The following HOMER2 variants were observed in gnomAD, a reference collection of about 807,000 sequenced individuals.
HOMER2 encodes the protein homer protein homolog 2.
A neutral mutation model predicts 47.0 loss-of-function variants in HOMER2; 27 were observed. That is an observed-to-expected ratio of 0.57 (90% CI 0.42 to 0.79). HOMER2 has a LOEUF of 0.79. Ranked by LOEUF, HOMER2 falls within the 30% of genes least tolerant of loss-of-function variation. The probability of loss-of-function intolerance (pLI) is 0.00; values close to 1 mark genes in which losing one functional copy is unlikely to be tolerated. For synonymous variants in HOMER2, 161 were observed against 163.8 expected (o/e 0.98, Z 0.13); for missense variants, 443 against 435.0 (o/e 1.02, Z -0.16).
chr15:82,895,684 C>T (rs894435232), intron 1 of HOMER2, among the ~76,000 whole-genome samples: 8 of 152,184 alleles, frequency 5.3e-5, no homozygotes, highest in African/African-American at 1.9e-4. Flanking sequence ...GAAGGCCTTT[C>T]TGGGAAGGGA....
downstream of HOMER2, among the ~76,000 whole-genome samples, chr15:82,847,993 T>C (rs542520196): frequency 6.6e-6 from 1 of 152,204 alleles, no homozygotes; most frequent in Admixed American, 6.5e-5. Context: ...TGGCCACGCT[T>C]TCCACTTCCT....
In HOMER2 at chr15:82,849,765, C is replaced by T. The variant is rs1280116567; in HGVS notation, c.982G>A (p.Asp328Asn). ...AGCCCTCGGCGGAAGTCATGCAGGT[C>T]GTCAATCTTCCCGTCCAGCACCTCC... is the stretch of plus-strand genomic sequence containing the variant. ...FLEVLDGKID[D>N]LHDFRRGLSK... The change falls in exon 9 of 9, where the codon GAC (aspartate) becomes AAC (asparagine). Residue 328 changes from aspartate to asparagine, a missense_variant. Asp to Asn is a conservative substitution (Grantham distance 23). Coordinates refer to ENST00000450735, the MANE Select transcript of HOMER2 (RefSeq NM_004839.4). 7 of 1,613,794 alleles carry T rather than the reference C, an allele frequency of 4.3e-6. No homozygotes were observed. The highest frequency in any genetic ancestry group is 1.3e-5 in the African/African-American group (1 of 74,922).
chr15:82,855,325 C>CAAAAAAAAAAA (rs1162254209), intron 5 of HOMER2, among the ~76,000 whole-genome samples: 7 of 61,512 alleles, frequency 1.1e-4, no homozygotes, highest in Non-Finnish European at 1.9e-4. Context: ...ACTCCATCTC[C>CAAAAAAAAAAA]AAAAAAAAAA....
chr15:82,844,023 G>C (rs1301513310), downstream of HOMER2: 2 of 152,166 alleles, frequency 1.3e-5, no homozygotes, highest in Non-Finnish European at 2.9e-5. Context: ...AGTCACTCAG[G>C]GATCCAGGCT....
exon 2 of HOMER2, chr15:82,839,896 A>G (rs1414464332): frequency 1.3e-5 from 2 of 152,236 alleles, no homozygotes; most frequent in Admixed American, 6.5e-5. Context: ...TCAAGAAAAC[A>G]TCCATGATCT....
At chr15:82,857,457 G>A (rs950168294) in intron 5 of HOMER2, among the ~76,000 whole-genome samples, 1 of 113,072 alleles carries the variant, frequency 8.8e-6, no homozygotes, top group South Asian at 2.9e-4. Context: ...TTGAGACAGA[G>A]TCTTGCTCTG....
intron 1 of HOMER2, among the ~76,000 whole-genome samples, chr15:82,951,857 T>C (rs943499959): frequency 7.2e-5 from 11 of 152,368 alleles, no homozygotes; most frequent in African/African-American, 2.6e-4. Flanking sequence ...ATTAGCACAG[T>C]GGCTCCCAGA....
At chr15:82,904,506 G>C (rs886778996) in intron 1 of HOMER2, among the ~76,000 whole-genome samples, 4 of 152,224 alleles carry the variant, frequency 2.6e-5, no homozygotes, top group South Asian at 2.1e-4. Context: ...CAGGGGGAGG[G>C]GAATGCAGCC....
chr15:82,924,719 G>A (rs1004706924), intron 1 of HOMER2, among the ~76,000 whole-genome samples: 1 of 152,130 alleles, frequency 6.6e-6, no homozygotes, highest in African/African-American at 2.4e-5. Context: ...CACCTGTTGT[G>A]GGCTGGGCAT....
intron 1 of HOMER2, among the ~76,000 whole-genome samples, chr15:82,979,781 G>C (rs2030328903): frequency 6.6e-6 from 1 of 152,150 alleles, no homozygotes. Flanking sequence ...TGGAAAGAGA[G>C]GTAGATAAAC....
chr15:82,855,524 G>A (rs1382269215), intron 5 of HOMER2, among the ~76,000 whole-genome samples: 1 of 152,094 alleles, frequency 6.6e-6, no homozygotes, highest in African/African-American at 2.4e-5. Context: ...CCTCCAGGAC[G>A]CTGGGTTTAA....
chr15:82,985,950 G>C (rs1416622321), upstream of HOMER2: 3 of 503,072 alleles, frequency 6.0e-6, no homozygotes, highest in Non-Finnish European at 7.7e-6. Context: ...CAGAACTTCC[G>C]TCTCTACCCG....
chr15:82,863,303 C>G (rs1368355036), intron 4 of HOMER2, among the ~76,000 whole-genome samples: 3 of 152,192 alleles, frequency 2.0e-5, no homozygotes, highest in African/African-American at 4.8e-5. Context: ...AGCCAACCCT[C>G]TCAGGTGAAA....
chr15:82,872,341 C>T (rs1037705548), intron 3 of HOMER2, among the ~76,000 whole-genome samples: 2 of 152,196 alleles, frequency 1.3e-5, no homozygotes, highest in African/African-American at 2.4e-5. Flanking sequence ...CTCCATCCCT[C>T]ATCACCCCAG....
At chr15:82,920,996 TA>T (rs915370654) in intron 1 of HOMER2, among the ~76,000 whole-genome samples, 13 of 151,900 alleles carry the variant, frequency 8.6e-5, no homozygotes, top group African/African-American at 3.1e-4. Flanking sequence ...TTAAATGGCT[TA>T]AAAAAAATGA....
chr15:82,968,498 T>C (rs2151255933), intron 1 of HOMER2, among the ~76,000 whole-genome samples: 1 of 152,344 alleles, frequency 6.6e-6, no homozygotes, highest in East Asian at 1.9e-4. Context: ...AAAGTCTCCG[T>C]CTCACCCCTC....
downstream of HOMER2, chr15:82,846,291 C>T (rs746729540): frequency 3.3e-5 from 5 of 152,250 alleles, no homozygotes; most frequent in Non-Finnish European, 7.3e-5. Context: ...ACTGGCCTCA[C>T]AGGCAGAGAC....
At chr15:82,867,040 G>C (rs1178463044) in intron 3 of HOMER2, among the ~76,000 whole-genome samples, 1 of 152,108 alleles carries the variant, frequency 6.6e-6, no homozygotes, top group Non-Finnish European at 1.5e-5. Context: ...TTATGACTAA[G>C]GGGGAAACAG....
At chr15:82,931,269 TGA>T (rs1429666436) in intron 1 of HOMER2, among the ~76,000 whole-genome samples, 2 of 152,272 alleles carry the variant, frequency 1.3e-5, no homozygotes, top group Admixed American at 6.5e-5. Context: ...GCTCTGCCCT[TGA>T]GAGACAGGCC....
Sources: gnomAD v4.1 joint callset for allele counts (sites outside exome capture counted in the v4.1 genomes callset) on GRCh38, gnomAD v4.1.1 for gene constraint, MANE v1.5 for transcripts, NCBI Gene and HGNC (gene_info 2026-07-23, HGNC 2026-07-21) for gene names.